The following TENM4 variants were observed in gnomAD, a reference collection of about 807,000 sequenced individuals.
TENM4 encodes teneurin transmembrane protein 4, also known as teneurin-4.
In TENM4, 82 loss-of-function variants were observed where a neutral mutation model predicts 243.3. The ratio of observed to expected loss-of-function variants is 0.34; its 90% CI spans 0.28 to 0.40. The LOEUF is 0.40. TENM4 is among the 10% of genes least tolerant of loss of function. The pLI is 1.00. For synonymous variants in TENM4, 1,412 were observed against 1,456.3 expected, an observed-to-expected ratio of 0.97 and a Z score of 0.69; for missense variants, 3,138 against 3,673.3, an observed-to-expected ratio of 0.85 and a Z score of 3.77.
At chr11:79,193,508 C>T (rs1863560157) in intron 3 of TENM4, among the ~76,000 whole-genome samples, 1 of 152,306 alleles carries the variant, frequency 6.6e-6, no homozygotes, top group Admixed American at 6.5e-5. Flanking sequence ...CCCGGCCGGT[C>T]ATACTCTGAG....
chr11:79,017,145 C>G (rs887905957), intron 6 of TENM4, among the ~76,000 whole-genome samples: 2 of 152,170 alleles, frequency 1.3e-5, no homozygotes, highest in African/African-American at 4.8e-5. Context: ...CTGCTGTGAG[C>G]AGAGCAGCCC....
At chr11:79,220,595 A>G (rs781465428) in intron 2 of TENM4, among the ~76,000 whole-genome samples, 4 of 152,230 alleles carry the variant, frequency 2.6e-5, no homozygotes, top group Admixed American at 6.5e-5. Flanking sequence ...TCAGGGAGGT[A>G]GCTTTCCTCC....
intron 1 of TENM4, among the ~76,000 whole-genome samples, chr11:79,313,282 G>T (rs756613089): frequency 6.6e-5 from 10 of 152,104 alleles, no homozygotes; most frequent in Admixed American, 2.0e-4. Flanking sequence ...AAGGGAGCAG[G>T]GCTGCAGACA....
intron 6 of TENM4, among the ~76,000 whole-genome samples, chr11:79,017,926 T>C (rs1476377320): frequency 6.6e-6 from 1 of 152,152 alleles, no homozygotes; most frequent in Non-Finnish European, 1.5e-5. Flanking sequence ...GCATTTTCAT[T>C]TTACACTGGG....
chr11:78,994,883 A>C (rs1204977637), intron 6 of TENM4, among the ~76,000 whole-genome samples: 1 of 152,222 alleles, frequency 6.6e-6, no homozygotes, highest in African/African-American at 2.4e-5. Flanking sequence ...CATTCCCCGG[A>C]TGCCTATTCT....
chr11:78,709,037 G>A (rs1282092765), intron 26 of TENM4, among the ~76,000 whole-genome samples: 3 of 147,238 alleles, frequency 2.0e-5, no homozygotes, highest in Non-Finnish European at 3.0e-5. Context: ...GCGCGATCTC[G>A]GCTCACTGCA....
chr11:79,213,938 G>A (rs1863998337), intron 3 of TENM4, among the ~76,000 whole-genome samples: 1 of 152,106 alleles, frequency 6.6e-6, no homozygotes. Flanking sequence ...ACTTGGCACA[G>A]TGCCTCAGTA....
chr11:79,099,360 C>T (rs1565203499), intron 4 of TENM4, among the ~76,000 whole-genome samples: 1 of 152,238 alleles, frequency 6.6e-6, no homozygotes, highest in South Asian at 2.1e-4. Context: ...GTCCTTTTCC[C>T]TGTCGTTCTC....
intron 4 of TENM4, among the ~76,000 whole-genome samples, chr11:79,138,545 T>TTATATTTATATAAATACATAAAACA (rs1403666517): frequency 1.1e-4 from 7 of 63,804 alleles, no homozygotes; most frequent in East Asian, 9.9e-4. Flanking sequence ...TTAAAATATA[T>TTATATTTATATAAATACATAAAACA]TATATTTATA....
At chr11:78,855,902 T>G in intron 11 of TENM4, 62 bp downstream of exon 11, 1 of 1,472,346 alleles carries the variant, frequency 6.8e-7, no homozygotes, top group Non-Finnish European at 9.2e-7. Context: ...CTTCTTAACT[T>G]TGGGTTAAGA....
At chr11:78,886,480 T>G (rs1175810262) in intron 9 of TENM4, among the ~76,000 whole-genome samples, 3 of 152,136 alleles carry the variant, frequency 2.0e-5, no homozygotes, top group Non-Finnish European at 4.4e-5. Context: ...GAAGCAAGGG[T>G]GGGATGGCCT....
intron 29 of TENM4, among the ~76,000 whole-genome samples, chr11:78,687,500 G>A (rs375532488): frequency 6.6e-6 from 1 of 152,150 alleles, no homozygotes; most frequent in Non-Finnish European, 1.5e-5. Flanking sequence ...CATCCCATGA[G>A]AACAATTGAG....
At chr11:79,191,717 TG>T in intron 3 of TENM4, 1 of 181,368 alleles carries the variant, frequency 5.5e-6, no homozygotes, top group Non-Finnish European at 1.1e-5. Context: ...GTCTGAGATG[TG>T]GGGAGCGCCT....
rs188990280 is a variant in TENM4 at position 78,694,006 on chromosome 11, C to A, written c.5088-5780G>T. 5.9e-5 allele frequency among the ~76,000 whole-genome samples: 9 copies of A among 152,216 alleles called. No homozygotes were observed. In the East Asian group the frequency reaches 1.5e-3, roughly 26 times the overall value. ...CTCCAGCCTGGGCGACAGAGTGAGA[C>A]TCCATCTCAAAAAAAATGATTCATA... On this transcript the variant is annotated intron_variant, in intron 28 of 33. Transcript: ENST00000278550.
At chr11:79,384,980 G>GAAAATAAAATAAAATAAAATAAA (rs1465031875) in intron 1 of TENM4, among the ~76,000 whole-genome samples, 1 of 43,920 alleles carries the variant, frequency 2.3e-5, no homozygotes, top group African/African-American at 1.1e-4. Flanking sequence ...AAATAAAATG[G>GAAAATAAAATAAAATAAAATAAA]ATGGTCAGGA....
intron 29 of TENM4, 75 bp from the exon 30 acceptor site, chr11:78,676,462 G>A: frequency 8.0e-7 from 1 of 1,246,382 alleles, no homozygotes. Flanking sequence ...CAGAGGCGGT[G>A]GAGGGGACTT....
chr11:79,258,465 C>T (rs1056777869), intron 2 of TENM4, among the ~76,000 whole-genome samples: 1 of 152,188 alleles, frequency 6.6e-6, no homozygotes, highest in East Asian at 1.9e-4. Flanking sequence ...TAACTCTATA[C>T]AACTTCTCAT....
Position 78,731,439 on chromosome 11 carries a change from CCA to C in TENM4, c.3138+875_3138+876del, listed in dbSNP as rs1464026547. 2.0e-5 allele frequency among the ~76,000 whole-genome samples: 3 copies of C among 152,284 alleles called. No homozygotes were observed. The East Asian group carries it at 5.8e-4, about 29-fold the overall frequency. ...TACGCACGGAAAGGTGTTTGCTCAG[CCA>C]GGCATGAAATATACACAAAAAAATA... On this transcript the variant is annotated intron_variant, in intron 21 of 33. Coordinates refer to ENST00000278550, the MANE Select transcript of TENM4 (RefSeq NM_001098816.3).
chr11:79,163,578 T>C (rs1260640544), intron 3 of TENM4, among the ~76,000 whole-genome samples: 3 of 151,966 alleles, frequency 2.0e-5, no homozygotes, highest in African/African-American at 7.3e-5. Context: ...AAGTCCATTG[T>C]ACCATTCTTA....
Sources: gnomAD v4.1 joint callset for allele counts (sites outside exome capture counted in the v4.1 genomes callset) on GRCh38, gnomAD v4.1.1 for gene constraint, MANE v1.5 for transcripts, NCBI Gene and HGNC (gene_info 2026-07-23, HGNC 2026-07-21) for gene names.